Variants in NDUFA5 observed in about 807,000 individuals in gnomAD.
NDUFA5 encodes the protein NADH:ubiquinone oxidoreductase subunit A5, also known as NADH dehydrogenase [ubiquinone] 1 alpha subcomplex subunit 5.
NDUFA5 carries 11 observed loss-of-function variants against 19.8 expected under a neutral mutation model. That is an observed-to-expected ratio of 0.56 (90% CI 0.35 to 0.92). The LOEUF is 0.92. Ranked by LOEUF, NDUFA5 falls within the 40% of genes least tolerant of loss-of-function variation. The pLI, the probability that NDUFA5 is intolerant of heterozygous loss-of-function variation, is 0.01. For missense variants in NDUFA5, 109 were observed against 134.2 expected (o/e 0.81, Z 0.93); for synonymous variants, 47 against 46.8 (o/e 1.00, Z -0.01).
intron 2 of NDUFA5, 149 bp downstream of exon 2, chr7:123,557,255 G>C (rs1239240809): frequency 9.3e-7 from 1 of 1,073,220 alleles, no homozygotes. Flanking sequence ...CAACGAAGTA[G>C]GTGGACAGCG....
the NDUFA5 span, among the ~76,000 whole-genome samples, chr7:123,576,013 G>A: frequency 6.6e-6 from 1 of 150,474 alleles, no homozygotes; most frequent in African/African-American, 2.4e-5. Context: ...ATTCCTTAGG[G>A]TCTCCAACTA....
chr7:123,560,949 A>G (rs897703084), upstream of NDUFA5, among the ~76,000 whole-genome samples: 2 of 152,244 alleles, frequency 1.3e-5, no homozygotes, highest in Admixed American at 6.5e-5. Context: ...AAACAATTCT[A>G]TTTACCATAG....
At chr7:123,574,384 C>A in the NDUFA5 span, among the ~76,000 whole-genome samples, 1 of 152,104 alleles carries the variant, frequency 6.6e-6, no homozygotes, top group African/African-American at 2.4e-5. Context: ...TGTTAAAACA[C>A]AGATTGCTGG....
intron 2 of NDUFA5, chr7:123,557,066 G>T (rs142377299): frequency 3.7e-6 from 2 of 538,070 alleles, no homozygotes; most frequent in African/African-American, 1.9e-5. Flanking sequence ...GTAATCCAAC[G>T]CACCTAAGCA....
In NDUFA5 at chr7:123,540,695, G is replaced by A. The variant is rs1797896620; in HGVS notation, c.*1424C>T. On this transcript the variant is annotated 3_prime_UTR_variant, in exon 5 of 5. Coordinates refer to ENST00000355749, the MANE Select transcript of NDUFA5 (RefSeq NM_005000.5). ...AACAACACTAGAACCATGAGAATGA[G>A]AAACCCTGGGCTTCTAACTCCCCCT... 1 of 152,024 alleles carries A rather than the reference G, an allele frequency of 6.6e-6. No individual in the cohort carries two copies. Among genetic ancestry groups the A allele is most frequent in the African/African-American group, 2.4e-5 (1 of 41,388 alleles). 9.4% of individuals were successfully genotyped at this position (152,024 alleles called of 1,614,324 possible).
chr7:123,584,259 C>A, the NDUFA5 span, among the ~76,000 whole-genome samples: 1 of 137,764 alleles, frequency 7.3e-6, no homozygotes, highest in East Asian at 2.1e-4. Context: ...CTGCAGTGAG[C>A]TATGATCGTG....
At chr7:123,592,240 A>G in the NDUFA5 span, among the ~76,000 whole-genome samples, 2 of 152,106 alleles carry the variant, frequency 1.3e-5, no homozygotes, top group Non-Finnish European at 2.9e-5. Context: ...GATCTTTTCA[A>G]AAAACCACCT....
At chr7:123,589,524 T>C in the NDUFA5 span, among the ~76,000 whole-genome samples, 1 of 151,998 alleles carries the variant, frequency 6.6e-6, no homozygotes, top group Non-Finnish European at 1.5e-5. Flanking sequence ...TCTCTGTCCC[T>C]GTGTTCTCAT....
At position 123,541,381 on chromosome 7, in the gene NDUFA5, T is replaced by C. The variant is rs1366558796; in HGVS notation, c.*738A>G. The stretch of plus-strand genomic sequence containing the variant: ...AGGAAAATTTCTCCAATAACCTGTA[T>C]GCAATGGGAAATCTTTCTTTTAAGT... On this transcript the variant is annotated 3_prime_UTR_variant, in exon 5 of 5. Coordinates refer to ENST00000355749, the MANE Select transcript of NDUFA5 (RefSeq NM_005000.5). 1 of 152,232 alleles carries C rather than the reference T, an allele frequency of 6.6e-6. No individual in the cohort carries two copies. Among genetic ancestry groups the C allele is most frequent in the Admixed American group, 6.5e-5 (1 of 15,282 alleles). 9.4% of individuals were successfully genotyped at this position (152,232 alleles called of 1,614,324 possible).
the NDUFA5 span, among the ~76,000 whole-genome samples, chr7:123,563,949 T>G: frequency 1.2e-4 from 19 of 152,104 alleles, no homozygotes; most frequent in African/African-American, 3.4e-4. Context: ...CAAACATCTA[T>G]GAAAAAATGA....
At chr7:123,557,049 A>C (rs1336484966) in intron 2 of NDUFA5, 1 of 515,286 alleles carries the variant, frequency 1.9e-6, no homozygotes, top group Admixed American at 2.3e-5. Flanking sequence ...AGTAAGCCTA[A>C]ATATATGTAA....
the NDUFA5 span, among the ~76,000 whole-genome samples, chr7:123,592,947 G>A: frequency 1.3e-5 from 2 of 151,864 alleles, no homozygotes; most frequent in African/African-American, 2.4e-5. Flanking sequence ...TATGAATCTC[G>A]GTGCTCCTGT....
chr7:123,552,660 A>AAAAAAC (rs1798394028), intron 2 of NDUFA5, among the ~76,000 whole-genome samples: 1 of 150,582 alleles, frequency 6.6e-6, no homozygotes, highest in Non-Finnish European at 1.5e-5. Context: ...AAAAAAAAAA[A>AAAAAAC]TTGTGTGCAG....
the NDUFA5 span, among the ~76,000 whole-genome samples, chr7:123,594,725 A>T: frequency 6.6e-6 from 1 of 152,168 alleles, no homozygotes; most frequent in African/African-American, 2.4e-5. Flanking sequence ...TCTCCCTGTC[A>T]GGCTACACGG....
chr7:123,566,033 A>G, the NDUFA5 span, among the ~76,000 whole-genome samples: 1 of 151,124 alleles, frequency 6.6e-6, no homozygotes, highest in Admixed American at 6.6e-5. Context: ...AAAAAAAAAG[A>G]AAAAAAAAGT....
At chr7:123,570,696 G>C in the NDUFA5 span, among the ~76,000 whole-genome samples, 2 of 148,306 alleles carry the variant, frequency 1.3e-5, no homozygotes, top group Non-Finnish European at 3.0e-5. Context: ...AGTTCTGCAA[G>C]GAACCACTGC....
upstream of NDUFA5, among the ~76,000 whole-genome samples, chr7:123,560,946 T>G (rs1194210658): frequency 6.6e-6 from 1 of 152,146 alleles, no homozygotes; most frequent in Non-Finnish European, 1.5e-5. Context: ...AGAAAACAAT[T>G]CTATTTACCA....
chr7:123,548,980 C>T (rs1201411953), intron 3 of NDUFA5, among the ~76,000 whole-genome samples: 3 of 151,790 alleles, frequency 2.0e-5, no homozygotes, highest in Non-Finnish European at 2.9e-5. Context: ...TTTTAAAATA[C>T]AGTATAACTA....
chr7:123,556,192 G>A (rs772617709), intron 2 of NDUFA5: 1 of 152,212 alleles, frequency 6.6e-6, no homozygotes, highest in Non-Finnish European at 1.5e-5. Context: ...TAATTGAGAT[G>A]AGCAAGACTG....
Sources: allele counts gnomAD v4.1 joint callset (sites outside exome capture counted in the v4.1 genomes callset), GRCh38; gene constraint gnomAD v4.1.1; transcripts MANE v1.5; gene names NCBI Gene and HGNC (gene_info 2026-07-23, HGNC 2026-07-21).